The following TCF4 variants were observed in gnomAD, a reference collection of about 807,000 sequenced individuals.
TCF4 encodes the protein SL3-3 enhancer factor 2.
Under a neutral mutation model 82.1 loss-of-function variants are expected in TCF4, and 3 were observed. The ratio of observed to expected loss-of-function variants is 0.04; its 90% CI spans 0.02 to 0.09. TCF4 has a LOEUF of 0.09. Among genes scored for constraint, TCF4 ranks in the 10% least tolerant of loss-of-function variants. The pLI is 1.00. For missense variants in TCF4, 518 were observed against 852.7 expected (o/e 0.61, Z 4.89); for synonymous variants, 276 against 309.6 (o/e 0.89, Z 1.14).
At chr18:55,436,530 G>C (rs1180239813) in intron 5 of TCF4, among the ~76,000 whole-genome samples, 1 of 152,122 alleles carries the variant, frequency 6.6e-6, no homozygotes, top group Admixed American at 6.5e-5. Context: ...TTTTCTCTCT[G>C]CATCTTAATT....
intron 8 of TCF4, among the ~76,000 whole-genome samples, chr18:55,304,856 C>T (rs2069678125): frequency 6.6e-6 from 1 of 152,110 alleles, no homozygotes; most frequent in Admixed American, 6.5e-5. Flanking sequence ...AAAGCCTGAA[C>T]CGCCTTTCAA....
chr18:55,260,069 A>G, intron 12 of TCF4, 42 bp from the exon 13 acceptor site: 2 of 1,429,576 alleles, frequency 1.4e-6, no homozygotes, highest in Non-Finnish European at 2.0e-6. Context: ...CTCATTCATT[A>G]AAATAATTCA....
chr18:55,362,373 G>GAAGGAAGGAAGGAAA (rs1569190319), intron 6 of TCF4, among the ~76,000 whole-genome samples: 7 of 92,566 alleles, frequency 7.6e-5, no homozygotes, highest in African/African-American at 2.5e-4. Context: ...AAGGAAGGAA[G>GAAGGAAGGAAGGAAA]GAAGGAAGGA....
chr18:55,545,430 T>C (rs1222663205), intron 3 of TCF4, among the ~76,000 whole-genome samples: 1 of 152,078 alleles, frequency 6.6e-6, no homozygotes, highest in African/African-American at 2.4e-5. Flanking sequence ...TTGTTTGGTC[T>C]GGGGTTTTTT....
At chr18:55,624,217 G>A (rs2147992664) in intron 2 of TCF4, among the ~76,000 whole-genome samples, 1 of 151,796 alleles carries the variant, frequency 6.6e-6, no homozygotes, top group African/African-American at 2.4e-5. Flanking sequence ...TGGTACTCTT[G>A]GTTTTTCTTA....
In TCF4 at chr18:55,510,439, T is replaced by C. The variant is rs9957668; in HGVS notation, c.146-46302A>G. 0.34 allele frequency: 173,621 copies of C among 505,256 alleles called. 30,681 individuals are homozygous for C. Among genetic ancestry groups the C allele is most frequent in the East Asian group, 0.45 (12,667 of 28,312 alleles). 31.3% of individuals were successfully genotyped at this position (505,256 alleles called of 1,614,324 possible). On this transcript the variant is annotated intron_variant, in intron 3 of 19. Transcript: ENST00000354452. ...AATTTGAAACCAAAATCCTGAACCA[T>C]GCATTTCAACCTAGAAGCCTTTGTA...
Position 55,350,343 on chromosome 18 carries a change from A to C in TCF4, c.549+16T>G. On this transcript the variant is annotated intron_variant, in intron 8 of 19. Transcript: ENST00000354452. ...CAAAATAAGCAATATACAAAGCAGA[A>C]ACAAGCAGTACTTACTGAAGATGGC... is the stretch of plus-strand genomic sequence containing the variant. 6.2e-7 allele frequency: 1 copy of C among 1,612,922 alleles called. No homozygotes were observed. Among genetic ancestry groups the C allele is most frequent in the Non-Finnish European group, 8.5e-7 (1 of 1,179,066 alleles).
intron 5 of TCF4, among the ~76,000 whole-genome samples, chr18:55,423,211 C>T (rs1381324460): frequency 1.3e-5 from 2 of 151,998 alleles, no homozygotes; most frequent in Non-Finnish European, 2.9e-5. Context: ...TAATGCCACG[C>T]TTAATTATAA....
At chr18:55,532,757 C>A (rs1054456037) in intron 3 of TCF4, among the ~76,000 whole-genome samples, 2 of 152,060 alleles carry the variant, frequency 1.3e-5, no homozygotes, top group Non-Finnish European at 2.9e-5. Context: ...CTTTACTCTT[C>A]GAAAGAGTTC....
rs2097704826 is a variant in TCF4, at chr18:55,609,121, C to G, written c.287-21985G>C. On this transcript the variant is annotated intron_variant, in intron 2 of 20. Transcript: ENST00000398339. ...GGCTCTTACCAGACATCAGATCTGT[C>G]CATACCTTACTCTTGGACTTCCCAG... 1.3e-5 allele frequency among the ~76,000 whole-genome samples: 2 copies of G among 152,150 alleles called. 1 individual carries two copies. Among genetic ancestry groups the G allele is most frequent in the Admixed American group, 1.3e-4 (2 of 15,264 alleles).
At chr18:55,622,881 C>CTGTGTGTGTGTG (rs1168157065) in intron 2 of TCF4, among the ~76,000 whole-genome samples, 12,127 of 149,630 alleles carry the variant, frequency 0.081, 763 homozygotes, top group African/African-American at 0.17. Flanking sequence ...TTTCTCCACT[C>CTGTGTGTGTGTG]TGTGTGTGTG....
At chr18:55,275,502 G>T in intron 10 of TCF4, 117 bp downstream of exon 10, 1 of 1,298,416 alleles carries the variant, frequency 7.7e-7, no homozygotes, top group Non-Finnish European at 1.1e-6. Flanking sequence ...AAGAATAATG[G>T]GTGTGTGCCA....
intron 15 of TCF4, among the ~76,000 whole-genome samples, chr18:55,241,179 C>T (rs1349703989): frequency 2.0e-5 from 3 of 152,160 alleles, no homozygotes; most frequent in Non-Finnish European, 2.9e-5. Flanking sequence ...GAAATGCAAA[C>T]GGATGTGAGC....
At chr18:55,461,428 T>G (rs1292669519) in intron 4 of TCF4, among the ~76,000 whole-genome samples, 1 of 152,224 alleles carries the variant, frequency 6.6e-6, no homozygotes, top group East Asian at 1.9e-4. Flanking sequence ...ACATACAAAG[T>G]ATATTGCTTA....
chr18:55,294,713 T>C (rs1042651628), intron 8 of TCF4, among the ~76,000 whole-genome samples: 1 of 152,224 alleles, frequency 6.6e-6, no homozygotes, highest in Admixed American at 6.5e-5. Flanking sequence ...CTCATCGATG[T>C]AGAATTTACG....
At chr18:55,466,397 C>T (rs181194950) in intron 3 of TCF4, among the ~76,000 whole-genome samples, 32 of 151,956 alleles carry the variant, frequency 2.1e-4, no homozygotes, top group Admixed American at 1.9e-3. Flanking sequence ...TTGGAGGGGC[C>T]GAGGCAGGAA....
chr18:55,420,997 A>T (rs1023638975), intron 5 of TCF4, among the ~76,000 whole-genome samples: 1 of 152,266 alleles, frequency 6.6e-6, no homozygotes, highest in East Asian at 1.9e-4. Flanking sequence ...AAATGTCAGA[A>T]TTAACCTATC....
chr18:55,488,957 C>G (rs140484516), intron 3 of TCF4, among the ~76,000 whole-genome samples: 1 of 152,210 alleles, frequency 6.6e-6, no homozygotes, highest in African/African-American at 2.4e-5. Flanking sequence ...ATTTACCCCA[C>G]AATTTCCTGT....
At chr18:55,447,936 T>C (rs890555610) in intron 5 of TCF4, among the ~76,000 whole-genome samples, 3 of 147,250 alleles carry the variant, frequency 2.0e-5, no homozygotes, top group Non-Finnish European at 4.5e-5. Context: ...GAAAAGGCTT[T>C]CGCTCTGAAT....
Sources: allele counts gnomAD v4.1 joint callset (sites outside exome capture counted in the v4.1 genomes callset), GRCh38; gene constraint gnomAD v4.1.1; transcripts MANE v1.5; gene names NCBI Gene and HGNC (gene_info 2026-07-23, HGNC 2026-07-21).